LRP1: variants seen among roughly 807,000 people sequenced by gnomAD.
The protein encoded by LRP1 is LDL receptor related protein 1.
In LRP1, 51 loss-of-function variants were observed where a neutral mutation model predicts 541.5. The ratio of observed to expected loss-of-function variants is 0.09; its 90% CI spans 0.08 to 0.12. The LOEUF (loss-of-function observed/expected upper bound fraction) is 0.12. Among genes scored for constraint, LRP1 ranks in the 10% least tolerant of loss-of-function variants. LRP1 has a pLI of 1.00. For synonymous variants in LRP1, 2,219 were observed against 2,470.8 expected, an observed-to-expected ratio of 0.90 and a Z score of 3.02; for missense variants, 3,878 against 6,376.2, an observed-to-expected ratio of 0.61 and a Z score of 13.34.
intron 24 of LRP1, among the ~76,000 whole-genome samples, chr12:57,176,546 G>A (rs990343947): frequency 2.0e-5 from 3 of 152,184 alleles, no homozygotes; most frequent in Admixed American, 6.5e-5. Context: ...CAGTTGTGTG[G>A]TCAAGGAAGG....
At chr12:57,135,423 C>T (rs949015197) in intron 1 of LRP1, among the ~76,000 whole-genome samples, 4 of 152,180 alleles carry the variant, frequency 2.6e-5, no homozygotes, top group Admixed American at 6.5e-5. Context: ...GGTCCTACCC[C>T]GCTCCCAACT....
chr12:57,194,840 C>A, intron 50 of LRP1, 141 bp downstream of exon 50: 2 of 1,218,086 alleles, frequency 1.6e-6, no homozygotes, highest in Non-Finnish European at 2.3e-6. Context: ...TGAGGTCAGA[C>A]TCAGAGACTC....
intron 83 of LRP1, 48 bp downstream of exon 83, chr12:57,210,927 G>A: frequency 6.3e-7 from 1 of 1,581,084 alleles, no homozygotes; most frequent in South Asian, 1.1e-5. Context: ...GGGTGACGGG[G>A]GACCCCAGAG....
At position 57,206,345 on chromosome 12, in the gene LRP1, G is replaced by C; in HGVS notation, c.11591-128G>C. 6.2e-6 allele frequency: 6 copies of C among 967,622 alleles called. No individual in the cohort carries two copies. Among genetic ancestry groups the C allele is most frequent in the Non-Finnish European group, 9.3e-6 (6 of 643,940 alleles). The allele number at this position is 967,622 out of a possible 1,614,324, so 59.9% of individuals were successfully genotyped here. ...CTGCAACCCTGAGCAGGGAGGGTAA[G>C]CAGCAGCTTCTGGCCGGAGCAGATG... On this transcript the variant is annotated intron_variant, in intron 75 of 88. Coordinates refer to ENST00000243077, the MANE Select transcript of LRP1 (RefSeq NM_002332.3). The surrounding 1 kb of genome is among the most constrained non-coding windows in gnomAD (Gnocchi z 4.7).
chr12:57,131,383 T>A (rs531144717), intron 1 of LRP1, among the ~76,000 whole-genome samples: 8 of 152,282 alleles, frequency 5.3e-5, no homozygotes, highest in Admixed American at 5.2e-4. Flanking sequence ...TTGAGGGCCC[T>A]GCTGAGATTG....
rs938617348 is a variant in LRP1 at position 57,158,503 on chromosome 12, A to G, written c.1663A>G (p.Ile555Val). ...AKVPDEHMIPIENLMNPRALD... is the reference protein window; with the variant it reads ...AKVPDEHMIPVENLMNPRALD... ...GGTCCCGGATGAGCACATGATCCCC[A>G]TTGAAAACCTCATGAACCCCCGAGC... The change falls in exon 11 of 89, where the codon ATT becomes GTT. Residue 555 changes from isoleucine to valine, a missense_variant. This residue lies in a region of LRP1 where 496 missense variants were observed against 861.0 expected (regional missense o/e 0.58). Transcript: ENST00000243077. The surrounding 1 kb of genome is among the most constrained non-coding windows in gnomAD (Gnocchi z 5.3). The G allele has an allele frequency of 6.2e-7, 1 of 1,614,186 alleles. No individual in the cohort carries two copies.
intron 20 of LRP1, among the ~76,000 whole-genome samples, chr12:57,171,061 G>A (rs1173583148): frequency 6.6e-6 from 1 of 152,200 alleles, no homozygotes; most frequent in African/African-American, 2.4e-5. Flanking sequence ...GTGAAGGGGA[G>A]GGTGAGGGGC....
At chr12:57,169,935 A>C (rs2035913287) in intron 20 of LRP1, among the ~76,000 whole-genome samples, 1 of 152,174 alleles carries the variant, frequency 6.6e-6, no homozygotes. Flanking sequence ...TTATGTGAAA[A>C]CTACCAAATT....
chr12:57,185,196 C>A lies in LRP1; in HGVS notation c.6454C>A (p.Arg2152=), dbSNP rs764383027. The change falls in exon 40 of 89, where the codon CGG becomes AGG. Residue 2152 remains arginine, a synonymous_variant. Coordinates refer to ENST00000243077, the MANE Select transcript of LRP1 (RefSeq NM_002332.3). This position sits in a 1 kb window ranked among gnomAD's most constrained non-coding sequence, Gnocchi z 4.9. ...AGACATCAAAGTCTTCAACCGGGAC[C>A]GGCAGAAAGGTGAGGCTGGGGCTCT... ...LKDIKVFNRD[R]QKGTNVCAVA... is the part of the protein sequence containing the mutation. 2 of 1,613,930 alleles carry A rather than the reference C, an allele frequency of 1.2e-6. No individual in the cohort carries two copies. The highest frequency in any genetic ancestry group is 1.7e-6 in the Non-Finnish European group (2 of 1,180,024).
rs550175904 is a variant in LRP1 at position 57,136,402 on chromosome 12, C to A, written c.68-2057C>A. 5.5e-5 allele frequency among the ~76,000 whole-genome samples: 8 copies of A among 146,592 alleles called. 1 individual carries two copies. Among genetic ancestry groups the A allele is most frequent in the Non-Finnish European group, 7.6e-5 (5 of 65,570 alleles). On this transcript the variant is annotated intron_variant, in intron 1 of 88. Transcript: ENST00000243077. ...ACTCCCTCCCTCCTAAGAGCCCCCC[C>A]CCCCCGCCATTTTCCTTATACTTCT...
chr12:57,132,790 C>G (rs1055165949), intron 1 of LRP1, among the ~76,000 whole-genome samples: 6 of 152,190 alleles, frequency 3.9e-5, no homozygotes, highest in African/African-American at 1.4e-4. Flanking sequence ...CCATTTACCC[C>G]CATCCAGGCC....
At chr12:57,176,157 C>T (rs562229021) in intron 24 of LRP1, 51 bp downstream of exon 24, 7 of 1,585,412 alleles carry the variant, frequency 4.4e-6, no homozygotes, top group South Asian at 1.1e-5. Context: ...AGCGCTCAGG[C>T]GCTAGGGGCC....
At chr12:57,148,432 G>C (rs2035458885) in intron 6 of LRP1, among the ~76,000 whole-genome samples, 1 of 152,100 alleles carries the variant, frequency 6.6e-6, no homozygotes, top group Non-Finnish European at 1.5e-5. Context: ...TCAGGAACCA[G>C]GCCTGCGCAC....
chr12:57,131,973 G>A (rs4759275), intron 1 of LRP1: 64,307 of 152,112 alleles, frequency 0.42, 13,885 homozygotes, highest in Admixed American at 0.5. Flanking sequence ...GTTTATTCCC[G>A]CCCAGTACTC....
chr12:57,176,178 T>C, intron 24 of LRP1, 72 bp downstream of exon 24: 1 of 1,485,260 alleles, frequency 6.7e-7, no homozygotes, highest in Non-Finnish European at 9.3e-7. Flanking sequence ...ACAGGTCCCA[T>C]CCAAGTGGCC....
chr12:57,201,291 C>G lies in LRP1; in HGVS notation c.10345+138C>G, dbSNP rs1361450922. 1 of 1,413,288 alleles carries G rather than the reference C, an allele frequency of 7.1e-7. No individual in the cohort carries two copies. Among genetic ancestry groups the G allele is most frequent in the Non-Finnish European group, 9.7e-7 (1 of 1,035,152 alleles). 87.5% of individuals were successfully genotyped at this position (1,413,288 alleles called of 1,614,324 possible). A position where few individuals can be genotyped will look rare whatever the true frequency, so the allele number is the denominator to read the frequency against. On this transcript the variant is annotated intron_variant, in intron 65 of 88. Transcript: ENST00000243077. This position sits in a 1 kb window ranked among gnomAD's most constrained non-coding sequence, Gnocchi z 6.4. ...CACAAATTATATTGGGTGTAACTTG[C>G]TTTGCTCATAAAAATCATCATGCAT...
chr12:57,184,760 A>AG lies in LRP1; in HGVS notation c.6187-77dup. The AG allele has an allele frequency of 6.7e-7, 1 of 1,495,172 alleles. No individual in the cohort carries two copies. The allele number at this position is 1,495,172 out of a possible 1,614,324, so 92.6% of individuals were successfully genotyped here. A position where few individuals can be genotyped will look rare whatever the true frequency, so the allele number is the denominator to read the frequency against. ...TGAACTGAGGGCCTCACTCTGGCCC[A>AG]GGCACTCCCTGCTGCCCCAGACATG... On this transcript the variant is annotated intron_variant, in intron 38 of 88. Coordinates refer to ENST00000243077, the MANE Select transcript of LRP1 (RefSeq NM_002332.3). This position sits in a 1 kb window ranked among gnomAD's most constrained non-coding sequence, Gnocchi z 7.8.
intron 68 of LRP1, chr12:57,202,874 A>T: frequency 2.0e-6 from 1 of 488,320 alleles, no homozygotes; most frequent in Non-Finnish European, 3.6e-6. Context: ...CTCTCCCCAA[A>T]CCCTGGTGCT....
At chr12:57,131,293 C>T (rs1324246761) in intron 1 of LRP1, among the ~76,000 whole-genome samples, 4 of 152,108 alleles carry the variant, frequency 2.6e-5, no homozygotes, top group South Asian at 2.1e-4. Context: ...TGGGGAGTAA[C>T]GTCACTCCCC....
Sources: allele counts gnomAD v4.1 joint callset (sites outside exome capture counted in the v4.1 genomes callset), GRCh38; gene constraint gnomAD v4.1.1; regional missense constraint gnomAD v4.1.1; non-coding constraint Gnocchi (gnomAD v3.1); transcripts MANE v1.5; gene names NCBI Gene and HGNC (gene_info 2026-07-23, HGNC 2026-07-21).